Variants in CHRM2 observed in about 807,000 individuals in gnomAD.
CHRM2 encodes the protein cholinergic receptor muscarinic 2.
A neutral mutation model predicts 25.0 loss-of-function variants in CHRM2; 8 were observed. The observed-to-expected ratio is 0.32, with a 90% CI of 0.19 to 0.58. The LOEUF is 0.58. Ranked by LOEUF, CHRM2 falls within the 20% of genes least tolerant of loss-of-function variation. The pLI is 0.88. For synonymous variants in CHRM2, 202 were observed against 205.7 expected (o/e 0.98, Z 0.15); for missense variants, 440 against 567.1 (o/e 0.78, Z 2.28).
intron 2 of CHRM2, among the ~76,000 whole-genome samples, chr7:136,875,501 G>A (rs10954565): frequency 0.16 from 24,939 of 151,828 alleles, 2,444 homozygotes; most frequent in Non-Finnish European, 0.23. Flanking sequence ...CTTTCCATCC[G>A]GGCATCTTTT....
At chr7:136,937,124 A>C (rs1198108728) in intron 2 of CHRM2, among the ~76,000 whole-genome samples, 1 of 152,192 alleles carries the variant, frequency 6.6e-6, no homozygotes, top group Non-Finnish European at 1.5e-5. Context: ...GACTGGAATA[A>C]AAATAGGTAG....
chr7:136,903,350 C>T (rs1249181589), intron 2 of CHRM2: 2 of 407,678 alleles, frequency 4.9e-6, no homozygotes, highest in Non-Finnish European at 1.0e-5. Context: ...TGCAAATCTC[C>T]TTCAAAAGGA....
At chr7:136,906,523 C>T (rs1797561082) in intron 2 of CHRM2, among the ~76,000 whole-genome samples, 1 of 151,464 alleles carries the variant, frequency 6.6e-6, no homozygotes, top group Non-Finnish European at 1.5e-5. Flanking sequence ...TTGCCTTATA[C>T]TGTAGAATTA....
chr7:136,897,121 T>G, intron 2 of CHRM2, among the ~76,000 whole-genome samples: 1 of 143,020 alleles, frequency 7.0e-6, no homozygotes. Context: ...GTGGTGGTAG[T>G]AGGTTGGCCA....
At chr7:136,998,531 C>A (rs761015277) in intron 3 of CHRM2, among the ~76,000 whole-genome samples, 16 of 152,142 alleles carry the variant, frequency 1.1e-4, no homozygotes, top group Non-Finnish European at 1.9e-4. Context: ...AATCCTAAGA[C>A]TCTTTTAGAG....
chr7:136,939,006 T>C (rs1212415186), intron 2 of CHRM2, among the ~76,000 whole-genome samples: 4 of 140,474 alleles, frequency 2.8e-5, no homozygotes, highest in Non-Finnish European at 6.0e-5. Context: ...ATTCCAATTC[T>C]AAGAGGCAGG....
At chr7:136,968,465 C>T (rs324590) in intron 2 of CHRM2, among the ~76,000 whole-genome samples, 133,066 of 151,754 alleles carry the variant, frequency 0.88, 58,894 homozygotes, top group Middle Eastern at 0.97. Flanking sequence ...GAAAACAGTA[C>T]GGAGGTTCCT....
At chr7:136,873,758 A>G (rs940842479) in intron 2 of CHRM2, among the ~76,000 whole-genome samples, 1 of 152,184 alleles carries the variant, frequency 6.6e-6, no homozygotes, top group African/African-American at 2.4e-5. Flanking sequence ...CAGAAGTTCA[A>G]TGATGTTCTC....
rs1168996974 is a variant in CHRM2, at chr7:137,015,544, A to G, written c.679A>G (p.Asn227Asp). Residue 227 changes from asparagine (N) to aspartate (D), a missense_variant, in exon 4 of 4, where the codon AAC (asparagine) becomes GAC (aspartate). Physicochemically the swap from Asn to Asp is conservative, Grantham distance 23. Transcript: ENST00000680005. This position sits in a 1 kb window ranked among gnomAD's most constrained non-coding sequence, Gnocchi z 5.1. ...IKKDKKEPVA[N>D]QDPVSPSLVQ... ...GAAGGACAAGAAGGAGCCTGTTGCC[A>G]ACCAAGACCCCGTTTCTCCAAGTCT... 3 of 1,613,018 alleles carry G rather than the reference A, an allele frequency of 1.9e-6. No individual in the cohort carries two copies. Among genetic ancestry groups the G allele is most frequent in the Non-Finnish European group, 1.7e-6 (2 of 1,179,560 alleles).
chr7:136,934,827 A>G (rs1799319390), intron 2 of CHRM2, among the ~76,000 whole-genome samples: 1 of 151,364 alleles, frequency 6.6e-6, no homozygotes, highest in Admixed American at 6.6e-5. Context: ...ATATGCAAAA[A>G]GAAAACTGCC....
At chr7:137,011,215 GTATATATATA>G (rs71176365) in intron 3 of CHRM2, among the ~76,000 whole-genome samples, 1 of 134,338 alleles carries the variant, frequency 7.4e-6, no homozygotes, top group Admixed American at 7.2e-5. Flanking sequence ...GTGTGTGTGT[GTATATATATA>G]TATATATATG....
chr7:136,882,902 A>G (rs1279074704), intron 2 of CHRM2, among the ~76,000 whole-genome samples: 1 of 152,194 alleles, frequency 6.6e-6, no homozygotes, highest in Non-Finnish European at 1.5e-5. Context: ...TGATTTAAAC[A>G]GTATATTTTT....
chr7:136,986,675 A>C (rs968632899), intron 2 of CHRM2, among the ~76,000 whole-genome samples: 6 of 152,164 alleles, frequency 3.9e-5, no homozygotes, highest in Non-Finnish European at 5.9e-5. Flanking sequence ...TTTGGTCTAA[A>C]TGTCTCTTAC....
intron 2 of CHRM2, chr7:136,871,374 G>A (rs1224007132): frequency 1.3e-5 from 2 of 152,648 alleles, no homozygotes; most frequent in East Asian, 3.9e-4. Context: ...GCCCACCCGC[G>A]GGCGGCAGCT....
chr7:136,893,554 T>G (rs559238624), intron 2 of CHRM2, among the ~76,000 whole-genome samples: 1 of 152,252 alleles, frequency 6.6e-6, no homozygotes, highest in Non-Finnish European at 1.5e-5. Context: ...GATTTTGACT[T>G]CATTAAGACG....
chr7:136,871,030 C>G (rs894559992), intron 2 of CHRM2: 5 of 152,864 alleles, frequency 3.3e-5, no homozygotes, highest in African/African-American at 1.2e-4. Context: ...AAGCACACAG[C>G]GACCAGTCCC....
rs770741665 is a variant in CHRM2, at chr7:136,970,814, T to A, written c.-124-21373T>A. 2.0e-5 allele frequency among the ~76,000 whole-genome samples: 3 copies of A among 152,226 alleles called. No homozygotes were observed. The South Asian group carries it at 6.2e-4, about 31-fold the overall frequency. ...TTTGTAACTTTGCACAGTTAAACTC[T>A]GTCTCACTCACCTGGCTCACTAGTG... is the stretch of plus-strand genomic sequence containing the variant. On this transcript the variant is annotated intron_variant, in intron 2 of 3. Coordinates refer to ENST00000680005, the MANE Select transcript of CHRM2 (RefSeq NM_001006630.2).
At chr7:136,968,632 T>C (rs1255108098) in intron 2 of CHRM2, among the ~76,000 whole-genome samples, 1 of 150,768 alleles carries the variant, frequency 6.6e-6, no homozygotes, top group Non-Finnish European at 1.5e-5. Flanking sequence ...AACCCAAAGG[T>C]CTATTGGCAG....
intron 2 of CHRM2, among the ~76,000 whole-genome samples, chr7:136,932,369 T>C (rs975638148): frequency 6.6e-6 from 1 of 152,234 alleles, no homozygotes; most frequent in Non-Finnish European, 1.5e-5. Flanking sequence ...TTCTTCTAAA[T>C]GCTTAAAAGA....
Sources: gnomAD v4.1 joint callset for allele counts (sites outside exome capture counted in the v4.1 genomes callset) on GRCh38, gnomAD v4.1.1 for gene constraint, Gnocchi (gnomAD v3.1) non-coding constraint, MANE v1.5 for transcripts, NCBI Gene and HGNC (gene_info 2026-07-23, HGNC 2026-07-21) for gene names.